The following ZNF395 variants were observed in gnomAD, a reference collection of about 807,000 sequenced individuals.
ZNF395 encodes the protein zinc finger protein 395.
A neutral mutation model predicts 57.7 loss-of-function variants in ZNF395; 20 were observed. The ratio of observed to expected loss-of-function variants is 0.35; its 90% confidence interval spans 0.24 to 0.50. ZNF395 has a LOEUF of 0.50. Among genes scored for constraint, ZNF395 ranks in the 20% least tolerant of loss-of-function variants. ZNF395 has a pLI of 0.97. For synonymous variants in ZNF395, 295 were observed against 275.9 expected (o/e 1.07, Z -0.69); for missense variants, 606 against 671.2 (o/e 0.90, Z 1.07).
chr8:28,369,908 A>T (rs150225279), intron 1 of ZNF395, among the ~76,000 whole-genome samples: 82 of 152,342 alleles, frequency 5.4e-4, no homozygotes, highest in African/African-American at 1.9e-3. Flanking sequence ...CCCTGCCCTT[A>T]ATGAATTTGG....
chr8:28,349,443 A>T (rs1193786303), intron 8 of ZNF395, among the ~76,000 whole-genome samples: 2 of 152,172 alleles, frequency 1.3e-5, no homozygotes, highest in Non-Finnish European at 2.9e-5. Context: ...GGACAAGGAC[A>T]GGGGAGCCAC....
intron 1 of ZNF395, among the ~76,000 whole-genome samples, chr8:28,379,959 T>C (rs1031395529): frequency 1.1e-4 from 16 of 152,296 alleles, no homozygotes; most frequent in African/African-American, 3.6e-4. Flanking sequence ...ATTGCTTTTT[T>C]AACATTTGAA....
intron 1 of ZNF395, among the ~76,000 whole-genome samples, chr8:28,371,668 TCCCCC>T (rs1355981068): frequency 6.6e-6 from 1 of 152,126 alleles, no homozygotes; most frequent in Non-Finnish European, 1.5e-5. Flanking sequence ...AAGCATGGGA[TCCCCC>T]AGGAGCAGGG....
At chr8:28,361,214 C>T in intron 1 of ZNF395, 32 bp from the exon 2 acceptor site, 1 of 1,576,562 alleles carries the variant, frequency 6.3e-7, no homozygotes. Flanking sequence ...CAGGAGGGAG[C>T]CCCACACAGC....
intron 1 of ZNF395, among the ~76,000 whole-genome samples, chr8:28,369,707 T>C (rs1216309029): frequency 6.6e-6 from 1 of 152,220 alleles, no homozygotes. Context: ...GGCCAGCCTC[T>C]GGGAGCTAAT....
At chr8:28,375,071 C>G (rs994320312) in intron 1 of ZNF395, among the ~76,000 whole-genome samples, 1 of 152,170 alleles carries the variant, frequency 6.6e-6, no homozygotes, top group African/African-American at 2.4e-5. Context: ...CTCCTCAAAG[C>G]ACTACCTATA....
At chr8:28,380,115 C>G (rs1272582532) in intron 1 of ZNF395, among the ~76,000 whole-genome samples, 1 of 152,008 alleles carries the variant, frequency 6.6e-6, no homozygotes, top group Admixed American at 6.5e-5. Context: ...CTAGCCCACA[C>G]CATTGGATAT....
At chr8:28,374,710 G>GA (rs1237443543) in intron 1 of ZNF395, among the ~76,000 whole-genome samples, 1 of 152,072 alleles carries the variant, frequency 6.6e-6, no homozygotes, top group East Asian at 1.9e-4. Flanking sequence ...AAAAGGCAGG[G>GA]AAAAAAGAGA....
At chr8:28,372,387 T>C (rs1196135663) in intron 1 of ZNF395, among the ~76,000 whole-genome samples, 3 of 152,084 alleles carry the variant, frequency 2.0e-5, no homozygotes, top group South Asian at 4.1e-4. Context: ...TCCCGGGCAG[T>C]GAAGAGCCAA....
In ZNF395 at chr8:28,352,502, C is replaced by A. The variant is rs1801728401; in HGVS notation, c.920+71G>T. The A allele has an allele frequency of 7.2e-7, 1 of 1,393,702 alleles. No homozygotes were observed. Among genetic ancestry groups the A allele is most frequent in the East Asian group, 2.3e-5 (1 of 43,808 alleles). 86.3% of individuals were successfully genotyped at this position (1,393,702 alleles called of 1,614,324 possible). A position where few individuals can be genotyped will look rare whatever the true frequency, so the allele number is the denominator to read the frequency against. On this transcript the variant is annotated intron_variant, in intron 6 of 9. Transcript: ENST00000344423. This position sits in a 1 kb window ranked among gnomAD's most constrained non-coding sequence, Gnocchi z 4.0. ...CCTGAAAGCACTGTGGGCTGTGGGT[C>A]ACAGGGACTCGGCAGGGTGGAGGGA...
chr8:28,357,206 A>G (rs1271872651), intron 3 of ZNF395, among the ~76,000 whole-genome samples: 3 of 152,142 alleles, frequency 2.0e-5, no homozygotes, highest in Non-Finnish European at 2.9e-5. Context: ...AAAGCACAAC[A>G]ATTACCTCCT....
chr8:28,351,678 G>T lies in ZNF395; in HGVS notation c.1050C>A (p.Thr350=). 1.2e-6 allele frequency: 2 copies of T among 1,612,412 alleles called. No individual in the cohort carries two copies. ...AAGTPVPGTP[T]SEPAPTPSMT... ...TGCTGGGGGTGGGAGCTGGCTCGGA[G>T]GTGGGAGTCCCAGGGACTGGGGTGC... The change falls in exon 7 of 10, where the codon ACC becomes ACA. Residue 350 remains threonine (T), a synonymous_variant. Transcript: ENST00000344423.
chr8:28,352,744 G>A lies in ZNF395; in HGVS notation c.820-71C>T. On this transcript the variant is annotated intron_variant, in intron 5 of 9. Coordinates refer to ENST00000344423, the MANE Select transcript of ZNF395 (RefSeq NM_018660.3). The surrounding 1 kb of genome is among the most constrained non-coding windows in gnomAD (Gnocchi z 4.0). The stretch of plus-strand genomic sequence containing the variant: ...TCCCTCGCTCAACCTTACCCAGTGG[G>A]GACTCAAACTGGCTGCTGTCCCCGG... The A allele has an allele frequency of 1.4e-6, 2 of 1,387,760 alleles. No individual in the cohort carries two copies. The highest frequency in any genetic ancestry group is 1.7e-5 in the Admixed American group (1 of 57,786). 86.0% of individuals were successfully genotyped at this position (1,387,760 alleles called of 1,614,324 possible). A position where few individuals can be genotyped will look rare whatever the true frequency, so the allele number is the denominator to read the frequency against.
At chr8:28,367,811 GA>G (rs1296983206) in intron 1 of ZNF395, among the ~76,000 whole-genome samples, 2 of 152,216 alleles carry the variant, frequency 1.3e-5, no homozygotes, top group Non-Finnish European at 2.9e-5. Context: ...CCAGCGGTAA[GA>G]AGAGGCCCAG....
chr8:28,363,695 T>C (rs964658363), intron 1 of ZNF395, among the ~76,000 whole-genome samples: 1 of 152,214 alleles, frequency 6.6e-6, no homozygotes. Flanking sequence ...TTGGGGTTTC[T>C]ACCACTGAAA....
intron 1 of ZNF395, among the ~76,000 whole-genome samples, chr8:28,377,705 T>C (rs936592667): frequency 6.6e-6 from 1 of 151,092 alleles, no homozygotes; most frequent in African/African-American, 2.4e-5. Flanking sequence ...AGCCCCCTCT[T>C]GATTTAGTCA....
At chr8:28,383,015 G>A (rs1802129044) in intron 1 of ZNF395, among the ~76,000 whole-genome samples, 1 of 152,178 alleles carries the variant, frequency 6.6e-6, no homozygotes, top group Non-Finnish European at 1.5e-5. Context: ...GTAAGTCACA[G>A]TCAAAACAGT....
chr8:28,349,977 C>T (rs1485472824), intron 8 of ZNF395, 87 bp downstream of exon 8: 6 of 1,272,758 alleles, frequency 4.7e-6, no homozygotes, highest in East Asian at 2.7e-5. Context: ...CCACGTGCCC[C>T]GTGCCCAAGG....
chr8:28,362,280 CG>C (rs1801859711), intron 1 of ZNF395, among the ~76,000 whole-genome samples: 2 of 152,122 alleles, frequency 1.3e-5, no homozygotes, highest in African/African-American at 4.8e-5. Flanking sequence ...AGGCCTGACC[CG>C]GCTGGCAGAA....
Sources: gnomAD v4.1 joint callset for allele counts (sites outside exome capture counted in the v4.1 genomes callset) on GRCh38, gnomAD v4.1.1 for gene constraint, Gnocchi (gnomAD v3.1) non-coding constraint, MANE v1.5 for transcripts, NCBI Gene and HGNC (gene_info 2026-07-23, HGNC 2026-07-21) for gene names.